The following CSMD1 variants were observed in gnomAD, a reference collection of about 807,000 sequenced individuals.
CSMD1 encodes the protein CUB and sushi domain-containing protein 1.
Under a neutral mutation model 417.5 loss-of-function variants are expected in CSMD1, and 213 were observed. That is an observed-to-expected ratio of 0.51 (90% CI 0.46 to 0.57). The LOEUF is 0.57. Ranked by LOEUF, CSMD1 falls within the 20% of genes least tolerant of loss-of-function variation. CSMD1 has a pLI of 0.00. For missense variants in CSMD1, 6,923 were observed against 4,529.7 expected (o/e 1.53, Z -15.17); for synonymous variants, 2,862 against 1,736.8 (o/e 1.65, Z -16.11).
At chr8:4,158,157 G>T (rs1326814092) in intron 3 of CSMD1, among the ~76,000 whole-genome samples, 1 of 150,770 alleles carries the variant, frequency 6.6e-6, no homozygotes, top group African/African-American at 2.4e-5. Context: ...TCTCCCTACG[G>T]CCTTCATCAT....
intron 3 of CSMD1, among the ~76,000 whole-genome samples, chr8:4,352,024 C>G (rs951209101): frequency 6.8e-6 from 1 of 148,126 alleles, no homozygotes; most frequent in African/African-American, 2.5e-5. Flanking sequence ...CAATGCTGAT[C>G]GTTTAAGTTC....
intron 3 of CSMD1, among the ~76,000 whole-genome samples, chr8:4,185,599 G>C (rs538676084): frequency 6.6e-6 from 1 of 152,082 alleles, no homozygotes; most frequent in Non-Finnish European, 1.5e-5. Flanking sequence ...TAGTAAATGT[G>C]CTGATTTATG....
intron 1 of CSMD1, among the ~76,000 whole-genome samples, chr8:4,660,700 G>A (rs147668929): frequency 0.014 from 1 of 70 alleles, no homozygotes; most frequent in African/African-American, 0.071. Context: ...GCTACAGACC[G>A]CAGAAAGTAT....
intron 3 of CSMD1, among the ~76,000 whole-genome samples, chr8:4,124,539 T>C (rs1452021485): frequency 6.6e-6 from 1 of 152,120 alleles, no homozygotes; most frequent in African/African-American, 2.4e-5. Context: ...CCCTGAGAAC[T>C]TACAGAAGCT....
chr8:3,408,028 T>C lies in CSMD1; in HGVS notation c.1942A>G (p.Ile648Val), dbSNP rs575322000. Residue 648 changes from isoleucine to valine, a missense_variant, in exon 14 of 70, where the codon ATA becomes GTA. Transcript: ENST00000635120. Reference protein sequence around the residue: ...LAVKDDGISDITVLGTFSGNE... With the variant: ...LAVKDDGISDVTVLGTFSGNE... ...CCAGAAAAAGTACCCAGGACAGTTA[T>C]GTCAGAAATGCCATCATCCTTGACC... 76 of 1,613,852 alleles carry C rather than the reference T, an allele frequency of 4.7e-5. No individual in the cohort carries two copies. The highest frequency in any genetic ancestry group is 5.8e-5 in the Non-Finnish European group (69 of 1,179,900).
chr8:4,516,222 C>T (rs145255321), intron 2 of CSMD1, among the ~76,000 whole-genome samples: 2 of 152,178 alleles, frequency 1.3e-5, no homozygotes, highest in East Asian at 3.9e-4. Flanking sequence ...GAGGGAAGAC[C>T]ACGTGAGGAC....
chr8:3,373,010 T>G (rs1259552934), intron 18 of CSMD1, among the ~76,000 whole-genome samples: 2 of 152,194 alleles, frequency 1.3e-5, no homozygotes, highest in Non-Finnish European at 2.9e-5. Context: ...CAATAATTTC[T>G]CAAATTTTTA....
At chr8:4,457,921 G>T (rs1252346350) in intron 2 of CSMD1, among the ~76,000 whole-genome samples, 1 of 152,086 alleles carries the variant, frequency 6.6e-6, no homozygotes, top group Non-Finnish European at 1.5e-5. Flanking sequence ...ATACACCATG[G>T]GGCAGAGTCT....
chr8:4,276,061 G>A (rs1012006187), intron 3 of CSMD1, among the ~76,000 whole-genome samples: 3 of 152,160 alleles, frequency 2.0e-5, no homozygotes, highest in Non-Finnish European at 2.9e-5. Context: ...AAGACAGTGT[G>A]ACGATTCCTT....
chr8:4,264,695 G>C (rs948365186), intron 3 of CSMD1, among the ~76,000 whole-genome samples: 6 of 152,280 alleles, frequency 3.9e-5, no homozygotes, highest in Admixed American at 2.6e-4. Flanking sequence ...AAGGGGAACA[G>C]GGCCTTAAAA....
In CSMD1 at chr8:3,257,868, C is replaced by T. The variant is rs149503782; in HGVS notation, c.4153+26276G>A. On this transcript the variant is annotated intron_variant, in intron 26 of 69. Coordinates refer to ENST00000635120, the MANE Select transcript of CSMD1 (RefSeq NM_033225.6). The stretch of plus-strand genomic sequence containing the variant: ...GGACTTGGGGCTTGACTCAGTGATC[C>T]AGGGGCCATTGCTGGGTTCTGAAAA... Among the ~76,000 whole-genome samples, 575 of 152,120 alleles carry T rather than the reference C, an allele frequency of 3.8e-3. 8 individuals are homozygous for T. The highest frequency in any genetic ancestry group is 0.013 in the African/African-American group (551 of 41,506).
chr8:3,630,350 G>A (rs569340489), intron 7 of CSMD1, among the ~76,000 whole-genome samples: 1 of 152,166 alleles, frequency 6.6e-6, no homozygotes, highest in Non-Finnish European at 1.5e-5. Context: ...CTCTTGCCCA[G>A]TAAACAGCAG....
chr8:4,528,379 C>A (rs1374635683), intron 2 of CSMD1, among the ~76,000 whole-genome samples: 1 of 152,126 alleles, frequency 6.6e-6, no homozygotes, highest in Non-Finnish European at 1.5e-5. Flanking sequence ...CCAAGACTCT[C>A]AATCATGCCA....
chr8:3,907,514 G>A (rs543706592), intron 5 of CSMD1, among the ~76,000 whole-genome samples: 42 of 152,292 alleles, frequency 2.8e-4, no homozygotes, highest in African/African-American at 9.6e-4. Context: ...TCATCTCACA[G>A]AATTGTGCAG....
At chr8:4,119,056 A>C (rs1160817574) in intron 3 of CSMD1, among the ~76,000 whole-genome samples, 1 of 152,134 alleles carries the variant, frequency 6.6e-6, no homozygotes, top group East Asian at 1.9e-4. Context: ...ACACACGGAC[A>C]CAGGGAGGGG....
At chr8:4,385,483 A>G (rs1418705338) in intron 3 of CSMD1, among the ~76,000 whole-genome samples, 2 of 152,190 alleles carry the variant, frequency 1.3e-5, no homozygotes, top group South Asian at 2.1e-4. Flanking sequence ...TTTAAAATAG[A>G]TATTTGGAGC....
chr8:3,060,499 T>C (rs915036923), intron 49 of CSMD1, among the ~76,000 whole-genome samples: 2 of 152,158 alleles, frequency 1.3e-5, no homozygotes, highest in Non-Finnish European at 2.9e-5. Flanking sequence ...AACTTTTAAA[T>C]AATAAAAAAT....
At chr8:4,559,299 T>C (rs1798225598) in intron 2 of CSMD1, among the ~76,000 whole-genome samples, 1 of 152,244 alleles carries the variant, frequency 6.6e-6, no homozygotes, top group East Asian at 1.9e-4. Flanking sequence ...CAGTTTAGAG[T>C]TGAATTATGG....
At chr8:3,982,644 G>C (rs939558864) in intron 5 of CSMD1, among the ~76,000 whole-genome samples, 8 of 151,964 alleles carry the variant, frequency 5.3e-5, no homozygotes, top group Non-Finnish European at 1.2e-4. Flanking sequence ...TAAATTATGT[G>C]GGGCAAAGAT....
Sources: gnomAD v4.1 joint callset for allele counts (sites outside exome capture counted in the v4.1 genomes callset) on GRCh38, gnomAD v4.1.1 for gene constraint, MANE v1.5 for transcripts, NCBI Gene and HGNC (gene_info 2026-07-23, HGNC 2026-07-21) for gene names.